The following DRC11 variants were observed in gnomAD, a reference collection of about 807,000 sequenced individuals.
DRC11 encodes IQ and AAA domain-containing protein 1.
At chr2:236,307,276 C>T in the DRC11 span, among the ~76,000 whole-genome samples, 1 of 152,168 alleles carries the variant, frequency 6.6e-6, no homozygotes, top group African/African-American at 2.4e-5. This position sits in a 1 kb window ranked among gnomAD's most constrained non-coding sequence, Gnocchi z 7.0. Flanking sequence ...GAGCGCACAT[C>T]TCAAGCAGAC....
At chr2:236,436,961 T>G in the DRC11 span, among the ~76,000 whole-genome samples, 2 of 152,150 alleles carry the variant, frequency 1.3e-5, no homozygotes, top group Non-Finnish European at 2.9e-5. Flanking sequence ...ATTATTATAC[T>G]TTAAATTTTA....
At chr2:236,408,503 C>T in the DRC11 span, 1 of 734,948 alleles carries the variant, frequency 1.4e-6, no homozygotes, top group Non-Finnish European at 2.5e-6. The surrounding 1 kb of genome is among the most constrained non-coding windows in gnomAD (Gnocchi z 5.5). Context: ...AGCTTCTTGG[C>T]CACGGTGCCT....
the DRC11 span, among the ~76,000 whole-genome samples, chr2:236,428,176 T>C: frequency 6.6e-6 from 1 of 152,166 alleles, no homozygotes; most frequent in African/African-American, 2.4e-5. Flanking sequence ...TGGGGAATGT[T>C]CTATGTGCAT....
chr2:236,491,138 T>TATATATATATAC, the DRC11 span, among the ~76,000 whole-genome samples: 1 of 98,758 alleles, frequency 1.0e-5, no homozygotes, highest in African/African-American at 4.9e-5. Flanking sequence ...TATATATATA[T>TATATATATATAC]ACAGTATATA....
At chr2:236,471,328 T>TA in the DRC11 span, among the ~76,000 whole-genome samples, 1 of 152,142 alleles carries the variant, frequency 6.6e-6, no homozygotes, top group Non-Finnish European at 1.5e-5. The surrounding 1 kb of genome is among the most constrained non-coding windows in gnomAD (Gnocchi z 4.6). Context: ...CATACTTTTA[T>TA]AAAAAATGTG....
the DRC11 span, among the ~76,000 whole-genome samples, chr2:236,459,449 T>C: frequency 5.3e-5 from 8 of 149,580 alleles, no homozygotes; most frequent in African/African-American, 2.0e-4. Flanking sequence ...TTTTTACAAA[T>C]TGGAGAAAGA....
the DRC11 span, among the ~76,000 whole-genome samples, chr2:236,456,814 G>A: frequency 2.0e-4 from 31 of 152,206 alleles, no homozygotes; most frequent in Non-Finnish European, 1.0e-4. The surrounding 1 kb of genome is among the most constrained non-coding windows in gnomAD (Gnocchi z 5.4). Flanking sequence ...AGGTGGCGGA[G>A]AAATGGCAAT....
the DRC11 span, among the ~76,000 whole-genome samples, chr2:236,321,090 A>G: frequency 6.6e-6 from 1 of 152,204 alleles, no homozygotes; most frequent in Non-Finnish European, 1.5e-5. Context: ...TAGCTACCCA[A>G]ATGAAAGACT....
chr2:236,444,024 C>T, the DRC11 span, among the ~76,000 whole-genome samples: 3 of 150,460 alleles, frequency 2.0e-5, no homozygotes, highest in Non-Finnish European at 3.0e-5. Context: ...CTTTTGCCCA[C>T]TTTTTAATGG....
chr2:236,357,032 TA>T, the DRC11 span, among the ~76,000 whole-genome samples: 814 of 96,894 alleles, frequency 8.4e-3, 32 homozygotes, highest in Middle Eastern at 0.012. Flanking sequence ...TCTATATATT[TA>T]TATATTCATA....
chr2:236,313,241 A>G, the DRC11 span, among the ~76,000 whole-genome samples: 4 of 152,346 alleles, frequency 2.6e-5, no homozygotes, highest in African/African-American at 9.6e-5. This position sits in a 1 kb window ranked among gnomAD's most constrained non-coding sequence, Gnocchi z 4.5. Context: ...ATTTAAGAAC[A>G]TAGATGCAAA....
the DRC11 span, among the ~76,000 whole-genome samples, chr2:236,495,686 C>G: frequency 2.6e-5 from 4 of 152,190 alleles, no homozygotes; most frequent in Non-Finnish European, 4.4e-5. The surrounding 1 kb of genome is among the most constrained non-coding windows in gnomAD (Gnocchi z 5.6). Flanking sequence ...GGGTGTTTGT[C>G]AGTACCAGGG....
chr2:236,491,219 G>GTATATATATATATA, the DRC11 span, among the ~76,000 whole-genome samples: 3 of 19,566 alleles, frequency 1.5e-4, no homozygotes, highest in Admixed American at 6.1e-4. Context: ...TATACACACA[G>GTATATATATATATA]TATATATATA....
the DRC11 span, among the ~76,000 whole-genome samples, chr2:236,383,813 A>C: frequency 1.2e-3 from 146 of 121,470 alleles, no homozygotes; most frequent in Admixed American, 1.9e-3. Flanking sequence ...ATCCCTCCCC[A>C]CTCCCCCCAC....
chr2:236,447,907 C>A, the DRC11 span, among the ~76,000 whole-genome samples: 1 of 152,034 alleles, frequency 6.6e-6, no homozygotes, highest in Non-Finnish European at 1.5e-5. The surrounding 1 kb of genome is among the most constrained non-coding windows in gnomAD (Gnocchi z 4.6). Context: ...AGGGTGGATT[C>A]AGGAATGACA....
the DRC11 span, among the ~76,000 whole-genome samples, chr2:236,337,574 G>A: frequency 1.3e-5 from 2 of 152,172 alleles, no homozygotes; most frequent in African/African-American, 4.8e-5. This position sits in a 1 kb window ranked among gnomAD's most constrained non-coding sequence, Gnocchi z 4.9. Context: ...AGCTATGCAG[G>A]GGCAGAGCCA....
the DRC11 span, among the ~76,000 whole-genome samples, chr2:236,383,666 C>CT: frequency 0.018 from 2,582 of 143,310 alleles, 61 homozygotes; most frequent in Admixed American, 0.044. Context: ...TTTAAAACAA[C>CT]TTTTTTTTTT....
chr2:236,377,134 C>T, the DRC11 span: 7 of 1,612,600 alleles, frequency 4.3e-6, no homozygotes, highest in Admixed American at 1.0e-4. The surrounding 1 kb of genome is among the most constrained non-coding windows in gnomAD (Gnocchi z 4.9). Context: ...CTTTCAGAGC[C>T]TGGATCAGTA....
At chr2:236,493,802 A>C in the DRC11 span, 8 of 1,607,372 alleles carry the variant, frequency 5.0e-6, no homozygotes, top group African/African-American at 9.3e-5. Flanking sequence ...GTCCGCTAAT[A>C]TTTGAGCAAG....
Sources: gnomAD v4.1 joint callset for allele counts (sites outside exome capture counted in the v4.1 genomes callset) on GRCh38, gnomAD v4.1.1 for gene constraint, Gnocchi (gnomAD v3.1) non-coding constraint, MANE v1.5 for transcripts, NCBI Gene and HGNC (gene_info 2026-07-23, HGNC 2026-07-21) for gene names.